The following IGSF5 variants were observed in gnomAD, a reference collection of about 807,000 sequenced individuals.
The protein encoded by IGSF5 is immunoglobulin superfamily member 5.
IGSF5 carries 41 observed loss-of-function variants against 39.4 expected under a neutral mutation model. The ratio of observed to expected loss-of-function variants is 1.04; its 90% CI spans 0.81 to 1.35. The LOEUF is 1.35. Among genes scored for constraint, IGSF5 ranks in the 40% most tolerant of loss-of-function variants. The pLI, the probability that IGSF5 is intolerant of heterozygous loss-of-function variation, is 0.00. For missense variants in IGSF5, 487 were observed against 494.6 expected, an observed-to-expected ratio of 0.98 and a Z score of 0.15; for synonymous variants, 183 against 175.3, an observed-to-expected ratio of 1.04 and a Z score of -0.34.
intron 7 of IGSF5, 117 bp downstream of exon 7, chr21:39,792,216 T>C: frequency 1.6e-6 from 1 of 621,336 alleles, no homozygotes; most frequent in Admixed American, 3.0e-5. Flanking sequence ...GTTATTATTT[T>C]TTGGATAAAT....
intron 3 of IGSF5, among the ~76,000 whole-genome samples, chr21:39,768,736 C>A (rs1478268338): frequency 6.6e-6 from 1 of 152,226 alleles, no homozygotes; most frequent in Non-Finnish European, 1.5e-5. Flanking sequence ...TTCTCCACTC[C>A]TTGTTGCATT....
chr21:39,773,042 CAG>C (rs1174592130), intron 4 of IGSF5, among the ~76,000 whole-genome samples: 2 of 152,138 alleles, frequency 1.3e-5, no homozygotes, highest in Non-Finnish European at 2.9e-5. Context: ...ACTCATGTCA[CAG>C]GGGATTGTTG....
chr21:39,798,461 C>T (rs1487457944), intron 8 of IGSF5, among the ~76,000 whole-genome samples: 1 of 152,076 alleles, frequency 6.6e-6, no homozygotes, highest in African/African-American at 2.4e-5. Context: ...GACACTGAAT[C>T]CGGAGTCTGG....
chr21:39,757,773 C>T lies in IGSF5; in HGVS notation c.101-7762C>T, dbSNP rs1389788005. ...TGTATTTTCCATAGAGATGGGGTTT[C>T]GCCATGTTGGCCAGGCTGATCTCGA... On this transcript the variant is annotated intron_variant, in intron 2 of 8. Transcript: ENST00000380588. Among the ~76,000 whole-genome samples, 17 of 152,146 alleles carry T rather than the reference C, an allele frequency of 1.1e-4. No homozygotes were observed. The South Asian group carries it at 3.1e-3, about 28-fold the overall frequency.
the IGSF5 span, among the ~76,000 whole-genome samples, chr21:39,712,479 A>C: frequency 5.9e-5 from 9 of 152,224 alleles, no homozygotes; most frequent in African/African-American, 1.7e-4. Context: ...AAGCAGAATC[A>C]TTCCCTTCCA....
At chr21:39,721,651 G>T in the IGSF5 span, among the ~76,000 whole-genome samples, 1 of 150,228 alleles carries the variant, frequency 6.7e-6, no homozygotes, top group Non-Finnish European at 1.5e-5. Context: ...TGGCCATGAT[G>T]ACACCAAACC....
chr21:39,745,962 C>A (rs2079972336), intron 1 of IGSF5, among the ~76,000 whole-genome samples: 1 of 152,124 alleles, frequency 6.6e-6, no homozygotes, highest in Admixed American at 6.5e-5. Context: ...GGTGGTGAGC[C>A]ACTTCCAAGA....
At chr21:39,764,239 A>G (rs566239347) in intron 2 of IGSF5, among the ~76,000 whole-genome samples, 1 of 152,254 alleles carries the variant, frequency 6.6e-6, no homozygotes, top group African/African-American at 2.4e-5. Context: ...AGCCCCCACA[A>G]TGTGCCTGGG....
At position 39,762,378 on chromosome 21, in the gene IGSF5, G is replaced by A. The variant is rs75483738; in HGVS notation, c.101-3157G>A. Among the ~76,000 whole-genome samples, 837 of 152,250 alleles carry A rather than the reference G, an allele frequency of 5.5e-3. 9 individuals carry two copies. The highest frequency in any genetic ancestry group is 0.019 in the African/African-American group (783 of 41,536). Reference sequence around the variant, plus strand: ...TGTAAGATGTACATCCAGGTCATAGGTAGATTCAAAGATTTTCTAATTGGC... The same window carrying A: ...TGTAAGATGTACATCCAGGTCATAGATAGATTCAAAGATTTTCTAATTGGC... On this transcript the variant is annotated intron_variant, in intron 2 of 8. Transcript: ENST00000380588.
At chr21:39,776,936 T>C (rs1466354401) in intron 4 of IGSF5, among the ~76,000 whole-genome samples, 1 of 152,200 alleles carries the variant, frequency 6.6e-6, no homozygotes, top group Non-Finnish European at 1.5e-5. Flanking sequence ...TCCGTTAAAC[T>C]GGAAATAGGA....
chr21:39,759,233 G>T (rs2080048385), intron 2 of IGSF5, among the ~76,000 whole-genome samples: 1 of 152,168 alleles, frequency 6.6e-6, no homozygotes, highest in Non-Finnish European at 1.5e-5. Context: ...GTGACATTTT[G>T]GCTTTGGGTC....
the IGSF5 span, chr21:39,726,149 T>A: frequency 1.3e-5 from 2 of 152,320 alleles, no homozygotes; most frequent in African/African-American, 4.8e-5. Flanking sequence ...TGGGTCTATG[T>A]GTGTTCACCT....
At chr21:39,775,322 A>G (rs1457958376) in intron 4 of IGSF5, among the ~76,000 whole-genome samples, 2 of 152,150 alleles carry the variant, frequency 1.3e-5, no homozygotes, top group Non-Finnish European at 2.9e-5. Context: ...CTTGCTCCAG[A>G]GCACATAGGA....
At chr21:39,733,189 A>C in the IGSF5 span, among the ~76,000 whole-genome samples, 1 of 152,190 alleles carries the variant, frequency 6.6e-6, no homozygotes, top group Admixed American at 6.5e-5. Context: ...ATGGCAAACG[A>C]CATAATGCTT....
chr21:39,784,678 A>G (rs890607946), intron 5 of IGSF5, among the ~76,000 whole-genome samples: 1 of 151,566 alleles, frequency 6.6e-6, no homozygotes, highest in Admixed American at 6.6e-5. Context: ...GCCTACTTAC[A>G]ATGCCCACCT....
At chr21:39,757,341 C>T (rs1302701247) in intron 2 of IGSF5, among the ~76,000 whole-genome samples, 3 of 135,966 alleles carry the variant, frequency 2.2e-5, no homozygotes, top group African/African-American at 5.5e-5. Context: ...GTGATTGAAA[C>T]GAATGTAATA....
intron 8 of IGSF5, among the ~76,000 whole-genome samples, chr21:39,800,619 A>G (rs1009851407): frequency 2.6e-5 from 4 of 152,256 alleles, no homozygotes; most frequent in African/African-American, 9.6e-5. Context: ...TGAATAATTT[A>G]TCATGCCCAG....
At chr21:39,742,056 G>A (rs1375601931), upstream of IGSF5, among the ~76,000 whole-genome samples, 1 of 151,920 alleles carries the variant, frequency 6.6e-6, no homozygotes. Flanking sequence ...ATAGGGAAAG[G>A]AGGTGGAATC....
At chr21:39,794,263 A>C (rs2086982505) in intron 8 of IGSF5, among the ~76,000 whole-genome samples, 2 of 152,178 alleles carry the variant, frequency 1.3e-5, no homozygotes. Flanking sequence ...GGAGCAGTTT[A>C]GGGGGAAAGA....
Sources: gnomAD v4.1 joint callset for allele counts (sites outside exome capture counted in the v4.1 genomes callset) on GRCh38, gnomAD v4.1.1 for gene constraint, MANE v1.5 for transcripts, NCBI Gene and HGNC (gene_info 2026-07-23, HGNC 2026-07-21) for gene names.